NAF1: variants seen among roughly 807,000 people sequenced by gnomAD.
NAF1 encodes H/ACA ribonucleoprotein complex non-core subunit NAF1.
A neutral mutation model predicts 40.6 loss-of-function variants in NAF1; 11 were observed. The ratio of observed to expected loss-of-function variants is 0.27; its 90% confidence interval spans 0.17 to 0.45. The LOEUF (loss-of-function observed/expected upper bound fraction) is 0.45. NAF1 is among the 20% of genes least tolerant of loss of function. NAF1 has a pLI of 1.00. For missense variants in NAF1, 607 were observed against 611.1 expected, an observed-to-expected ratio of 0.99 and a Z score of 0.07; for synonymous variants, 260 against 228.5, an observed-to-expected ratio of 1.14 and a Z score of -1.24.
At chr4:163,154,088 C>T (rs111497173) in intron 2 of NAF1, among the ~76,000 whole-genome samples, 59 of 152,052 alleles carry the variant, frequency 3.9e-4, no homozygotes, top group African/African-American at 7.7e-4. Context: ...GAAGAAACTC[C>T]GAACACATCT....
intron 2 of NAF1, among the ~76,000 whole-genome samples, chr4:163,156,627 C>T (rs1054467266): frequency 6.6e-6 from 1 of 152,074 alleles, no homozygotes; most frequent in African/African-American, 2.4e-5. Context: ...TACATTCTCA[C>T]ACATCAAAAA....
intron 2 of NAF1, among the ~76,000 whole-genome samples, chr4:163,151,062 T>C (rs570178590): frequency 1.3e-5 from 2 of 152,028 alleles, no homozygotes; most frequent in Non-Finnish European, 2.9e-5. Context: ...TTGTTTCTTG[T>C]ATAACTTTAC....
chr4:163,164,338 G>A lies in NAF1; in HGVS notation c.419C>T (p.Ser140Leu), dbSNP rs1732356478. ...TGATATACAAGAGGAAGAAGACGACGATGAGGAAGATGAAGAGGAAGACGA... is the reference window on the plus strand; with the variant it reads ...TGATATACAAGAGGAAGAAGACGACAATGAGGAAGATGAAGAGGAAGACGA... Reference protein sequence around the residue: ...SSSSSSSSSSSSSSSSCISLP... With the variant: ...SSSSSSSSSSLSSSSSCISLP... Residue 140 changes from serine to leucine, a missense_variant, in exon 2 of 8, where the codon TCG (serine) becomes TTG (leucine). By Grantham distance (145) the Ser-to-Leu change is moderately radical. This residue lies in a region of NAF1 where 407 missense variants were observed against 365.5 expected (regional missense o/e 1.11). Coordinates refer to ENST00000274054, the MANE Select transcript of NAF1 (RefSeq NM_138386.3). 3.8e-6 allele frequency: 6 copies of A among 1,597,756 alleles called. No individual in the cohort carries two copies. The highest frequency in any genetic ancestry group is 1.3e-5 in the African/African-American group (1 of 74,342).
chr4:163,107,849 T>C (rs1187179296), downstream of NAF1, among the ~76,000 whole-genome samples: 1 of 152,200 alleles, frequency 6.6e-6, no homozygotes, highest in African/African-American at 2.4e-5. Context: ...GTATCTGTAA[T>C]TACTGTATGT....
chr4:163,106,803 A>G (rs1730056627), downstream of NAF1, among the ~76,000 whole-genome samples: 1 of 152,184 alleles, frequency 6.6e-6, no homozygotes. Context: ...ATACAGAGAA[A>G]TCTAAAATAA....
chr4:163,123,481 A>G (rs1185136203), downstream of NAF1, among the ~76,000 whole-genome samples: 1 of 152,148 alleles, frequency 6.6e-6, no homozygotes, highest in Non-Finnish European at 1.5e-5. Flanking sequence ...TCCTGGGTTC[A>G]AGTGATCTTC....
chr4:163,142,840 A>G (rs1731315002), intron 4 of NAF1, among the ~76,000 whole-genome samples: 1 of 152,208 alleles, frequency 6.6e-6, no homozygotes, highest in South Asian at 2.1e-4. Context: ...AACTGTAAAG[A>G]GCAACTTAAG....
chr4:163,107,185 C>T (rs921412504), downstream of NAF1, among the ~76,000 whole-genome samples: 1 of 152,154 alleles, frequency 6.6e-6, no homozygotes. Context: ...CGGGGTTTCA[C>T]CGTGTTGGCC....
intron 2 of NAF1, among the ~76,000 whole-genome samples, chr4:163,112,589 T>C (rs1206460299): frequency 3.9e-5 from 6 of 152,182 alleles, no homozygotes; most frequent in Non-Finnish European, 8.8e-5. Flanking sequence ...GGACATTGGA[T>C]TTGGGCTCCC....
chr4:163,135,809 A>T (rs1731034615), intron 6 of NAF1: 1 of 152,192 alleles, frequency 6.6e-6, no homozygotes, highest in Non-Finnish European at 1.5e-5. Context: ...AAAAGAAAAA[A>T]AGAATATCTG....
chr4:163,128,949 G>C lies in NAF1; in HGVS notation c.1433C>G (p.Pro478Arg), dbSNP rs753585173. The change falls in exon 8 of 8, where the codon CCT becomes CGT. Residue 478 changes from proline (P) to arginine (R), a missense_variant. Pro to Arg is a moderately radical substitution (Grantham distance 103). Around this residue, in one of 3 missense-constraint regions of NAF1, gnomAD observed 189 missense variants for 216.6 expected, o/e 0.87. Transcript: ENST00000274054. ...ACTATCTCCAGAAGAGGGTGGAGGA[G>C]GCAGTGGTGGAGGGGGAGGGGGTGG... ...LPPPPPPPPLPPPPSSGDSNS... is the reference protein window; with the variant it reads ...LPPPPPPPPLRPPPSSGDSNS... The C allele has an allele frequency of 6.6e-7, 1 of 1,514,248 alleles. No homozygotes were observed. The highest frequency in any genetic ancestry group is 1.7e-5 in the Admixed American group (1 of 57,766). The allele number at this position is 1,514,248 out of a possible 1,614,324, so 93.8% of individuals were successfully genotyped here. A position where few individuals can be genotyped will look rare whatever the true frequency, so the allele number is the denominator to read the frequency against.
chr4:163,153,702 A>C (rs938272834), intron 2 of NAF1, among the ~76,000 whole-genome samples: 1 of 152,158 alleles, frequency 6.6e-6, no homozygotes, highest in Non-Finnish European at 1.5e-5. Flanking sequence ...TAAACCCACC[A>C]ATCAGCGCCC....
chr4:163,147,603 C>T (rs1313641681), intron 3 of NAF1, among the ~76,000 whole-genome samples: 1 of 152,020 alleles, frequency 6.6e-6, no homozygotes, highest in East Asian at 1.9e-4. Context: ...GTTTTTAAGA[C>T]AAAATCAAAG....
At chr4:163,140,855 A>C (rs1731233795) in intron 4 of NAF1, among the ~76,000 whole-genome samples, 1 of 152,228 alleles carries the variant, frequency 6.6e-6, no homozygotes, top group African/African-American at 2.4e-5. Context: ...AGTGTTAGGA[A>C]TTTTGTAAAA....
At position 163,166,630 on chromosome 4, in the gene NAF1, C is replaced by A. The variant is rs749262129; in HGVS notation, c.98G>T (p.Gly33Val). 6.2e-6 allele frequency: 10 copies of A among 1,611,682 alleles called. No homozygotes were observed. The East Asian group carries it at 2.2e-4, about 36-fold the overall frequency. ...VGEGPAAPSP[G>V]SAPVPGTQPP... ...CTGTGTCCCTGGCACAGGGGCAGAGCCCGGAGACGGAGCCGCCGGACCTTC... is the reference window on the plus strand; with the variant it reads ...CTGTGTCCCTGGCACAGGGGCAGAGACCGGAGACGGAGCCGCCGGACCTTC... The change falls in exon 1 of 8, where the codon GGC (glycine) becomes GTC (valine). Residue 33 changes from glycine to valine, a missense_variant. By Grantham distance (109) the Gly-to-Val change is moderately radical. Around this residue, in one of 3 missense-constraint regions of NAF1, gnomAD observed 407 missense variants for 365.5 expected, o/e 1.11. Transcript: ENST00000274054.
At chr4:163,129,825 G>A (rs994206807) in intron 7 of NAF1, among the ~76,000 whole-genome samples, 31 of 152,084 alleles carry the variant, frequency 2.0e-4, no homozygotes, top group African/African-American at 7.2e-4. Context: ...TTTTACACTG[G>A]GGCAATGTCA....
intron 1 of NAF1, among the ~76,000 whole-genome samples, chr4:163,166,132 A>C (rs1487449231): frequency 6.6e-6 from 1 of 152,194 alleles, no homozygotes; most frequent in South Asian, 2.1e-4. Flanking sequence ...TCAGGCCACC[A>C]AATTTAGGAA....
At chr4:163,106,309 C>T (rs997195730), downstream of NAF1, among the ~76,000 whole-genome samples, 2 of 152,148 alleles carry the variant, frequency 1.3e-5, no homozygotes, top group African/African-American at 4.8e-5. Flanking sequence ...CTAAGTGTTG[C>T]ACTGACCAAT....
In NAF1 at chr4:163,128,775, G is replaced by C; in HGVS notation, c.*122C>G. The C allele has an allele frequency of 8.7e-6, 11 of 1,269,290 alleles. No individual in the cohort carries two copies. Among genetic ancestry groups the C allele is most frequent in the Non-Finnish European group, 1.1e-5 (11 of 968,364 alleles). The allele number at this position is 1,269,290 out of a possible 1,614,324, so 78.6% of individuals were successfully genotyped here. On this transcript the variant is annotated 3_prime_UTR_variant, in exon 8 of 8. Coordinates refer to ENST00000274054, the MANE Select transcript of NAF1 (RefSeq NM_138386.3). The stretch of plus-strand genomic sequence containing the variant: ...TACAAATATATATCAACTTACAACA[G>C]AAGGAATCATTTAGTATTTTACAGT...
Sources: allele counts gnomAD v4.1 joint callset (sites outside exome capture counted in the v4.1 genomes callset), GRCh38; gene constraint gnomAD v4.1.1; regional missense constraint gnomAD v4.1.1; transcripts MANE v1.5; gene names NCBI Gene and HGNC (gene_info 2026-07-23, HGNC 2026-07-21).